The following CECR2 variants were observed in gnomAD, a reference collection of about 807,000 sequenced individuals.
The protein encoded by CECR2 is chromatin remodeling regulator CECR2.
In CECR2, 30 loss-of-function variants were observed where a neutral mutation model predicts 154.5. That is an observed-to-expected ratio of 0.19 (90% confidence interval 0.15 to 0.26). CECR2 has a LOEUF of 0.26. Ranked by LOEUF, CECR2 falls within the 10% of genes least tolerant of loss-of-function variation. CECR2 has a pLI of 1.00. For synonymous variants in CECR2, 725 were observed against 683.7 expected (o/e 1.06, Z -0.94); for missense variants, 1,743 against 1,829.3 (o/e 0.95, Z 0.86).
chr22:17,370,717 G>T (rs1242104391), intron 1 of CECR2, among the ~76,000 whole-genome samples: 1 of 152,182 alleles, frequency 6.6e-6, no homozygotes, highest in Non-Finnish European at 1.5e-5. Flanking sequence ...GAAACCCGAG[G>T]GTCCTGGAGC....
intron 2 of CECR2, among the ~76,000 whole-genome samples, chr22:17,491,639 C>A (rs1056928377): frequency 6.7e-6 from 1 of 149,764 alleles, no homozygotes; most frequent in East Asian, 1.9e-4. Flanking sequence ...TAAATTTTAT[C>A]CAGAGCTATT....
At chr22:17,430,110 T>C (rs1356400248) in intron 1 of CECR2, among the ~76,000 whole-genome samples, 1 of 152,200 alleles carries the variant, frequency 6.6e-6, no homozygotes, top group African/African-American at 2.4e-5. Flanking sequence ...AATTGGTACA[T>C]TGGAACTTGA....
chr22:17,404,448 A>ACTG (rs1170050680), intron 1 of CECR2, among the ~76,000 whole-genome samples: 1 of 106,392 alleles, frequency 9.4e-6, no homozygotes, highest in Non-Finnish European at 1.8e-5. Flanking sequence ...ATCTCGGCTC[A>ACTG]CTGCAAGCTC....
intron 1 of CECR2, among the ~76,000 whole-genome samples, chr22:17,460,857 A>G (rs2054926959): frequency 1.3e-5 from 2 of 152,196 alleles, no homozygotes; most frequent in South Asian, 2.1e-4. Flanking sequence ...TTATGTTTAT[A>G]TCAAATCTTT....
intron 8 of CECR2, among the ~76,000 whole-genome samples, chr22:17,521,561 T>A (rs2146957107): frequency 6.6e-6 from 1 of 152,194 alleles, no homozygotes; most frequent in East Asian, 1.9e-4. Context: ...GAAGTGTCTG[T>A]TCATATCCTT....
At position 17,432,191 on chromosome 22, in the gene CECR2, C is replaced by G. The variant is rs1601347597; in HGVS notation, c.127-45397C>G. ...TTGTGCCTGTATGGATTTGCCCACT[C>G]TGGACATTTCCTGTAAGTGGAATCA... On this transcript the variant is annotated intron_variant, in intron 1 of 18. Coordinates refer to ENST00000262608, the MANE Select transcript of CECR2 (RefSeq NM_001290047.2). Among the ~76,000 whole-genome samples the G allele has an allele frequency of 2.0e-5, 3 of 152,076 alleles. No individual in the cohort carries two copies. In the East Asian group the frequency reaches 5.8e-4, roughly 29 times the overall value.
chr22:17,430,697 G>A (rs534810647), intron 1 of CECR2, among the ~76,000 whole-genome samples: 1 of 152,030 alleles, frequency 6.6e-6, no homozygotes, highest in South Asian at 2.1e-4. Flanking sequence ...AGGCTTCTTT[G>A]AAAACACTCA....
intron 1 of CECR2, among the ~76,000 whole-genome samples, chr22:17,433,527 C>G (rs559869700): frequency 6.6e-6 from 1 of 152,176 alleles, no homozygotes; most frequent in African/African-American, 2.4e-5. Context: ...CTCACTGCAG[C>G]CTTGACCTCC....
intron 1 of CECR2, chr22:17,428,474 TAACTG>T (rs2146626493): frequency 6.9e-6 from 1 of 145,318 alleles, no homozygotes; most frequent in South Asian, 2.2e-4. Flanking sequence ...TCTTCAAAGA[TAACTG>T]GAATATCTTC....
chr22:17,377,488 C>T (rs921910552), intron 1 of CECR2, among the ~76,000 whole-genome samples: 1 of 151,760 alleles, frequency 6.6e-6, no homozygotes, highest in Non-Finnish European at 1.5e-5. Flanking sequence ...GATTTGAACC[C>T]CTGAGCTCAA....
At chr22:17,496,440 C>T (rs1569120731) in intron 2 of CECR2, among the ~76,000 whole-genome samples, 1 of 151,090 alleles carries the variant, frequency 6.6e-6, no homozygotes, top group Non-Finnish European at 1.5e-5. Flanking sequence ...GTGGAGCTTG[C>T]AGTGAGCTGA....
chr22:17,551,409 A>G (rs919891375), intron 17 of CECR2, among the ~76,000 whole-genome samples: 1 of 152,078 alleles, frequency 6.6e-6, no homozygotes, highest in Non-Finnish European at 1.5e-5. Flanking sequence ...TAGTCTCTTA[A>G]TTTATAGCAG....
chr22:17,443,603 A>G (rs1446640140), intron 1 of CECR2, among the ~76,000 whole-genome samples: 1 of 152,154 alleles, frequency 6.6e-6, no homozygotes, highest in East Asian at 1.9e-4. Context: ...TAGCAGCTTC[A>G]GTTGTCTGAA....
chr22:17,538,403 C>T (rs1048058289), intron 10 of CECR2, 117 bp from the exon 11 acceptor site: 1 of 896,428 alleles, frequency 1.1e-6, no homozygotes, highest in African/African-American at 1.6e-5. Context: ...ATCTAAACCA[C>T]ACTATTAGGA....
chr22:17,471,427 T>C (rs1039435120), intron 1 of CECR2, among the ~76,000 whole-genome samples: 2 of 152,196 alleles, frequency 1.3e-5, no homozygotes, highest in African/African-American at 4.8e-5. Context: ...GAAAGGATAA[T>C]CAAAATGGAT....
At chr22:17,498,470 G>T in intron 3 of CECR2, among the ~76,000 whole-genome samples, 1 of 152,052 alleles carries the variant, frequency 6.6e-6, no homozygotes, top group East Asian at 1.9e-4. Context: ...TTCTAATCCT[G>T]TTCCATCATC....
chr22:17,470,471 A>G (rs1404198553), intron 1 of CECR2, among the ~76,000 whole-genome samples: 1 of 152,050 alleles, frequency 6.6e-6, no homozygotes, highest in East Asian at 1.9e-4. Context: ...GGACACAATC[A>G]TGTAAGAGCA....
rs2055768244 is a variant in CECR2 at position 17,503,071 on chromosome 22, CTG to C, written c.651-7_651-6del. Reference sequence around the variant, plus strand: ...TTGTTTTAATTGGCACCTCTTTTTCCTGTGTTTCAGTGAAAAGCAGGAAGAAA... The same window carrying C: ...TTGTTTTAATTGGCACCTCTTTTTCCTGTTTCAGTGAAAAGCAGGAAGAAA... On this transcript the variant is annotated splice_polypyrimidine_tract_variant and intron_variant, in intron 5 of 18. Coordinates refer to ENST00000262608, the MANE Select transcript of CECR2 (RefSeq NM_001290047.2). 6.2e-7 allele frequency: 1 copy of C among 1,609,410 alleles called. No homozygotes were observed.
chr22:17,390,198 C>T (rs1180597748), intron 1 of CECR2, among the ~76,000 whole-genome samples: 2 of 152,124 alleles, frequency 1.3e-5, no homozygotes, highest in Non-Finnish European at 2.9e-5. Context: ...CTTTCTTGAG[C>T]TTGACCTTTT....
Sources: allele counts gnomAD v4.1 joint callset (sites outside exome capture counted in the v4.1 genomes callset), GRCh38; gene constraint gnomAD v4.1.1; transcripts MANE v1.5; gene names NCBI Gene and HGNC (gene_info 2026-07-23, HGNC 2026-07-21).